The following LNX2 variants were observed in gnomAD, a reference collection of about 807,000 sequenced individuals.
The protein encoded by LNX2 is ligand of Numb protein X 2.
A neutral mutation model predicts 66.2 loss-of-function variants in LNX2; 35 were observed. The ratio of observed to expected loss-of-function variants is 0.53; its 90% CI spans 0.40 to 0.70. LNX2 has a LOEUF of 0.70. Among genes scored for constraint, LNX2 ranks in the 30% least tolerant of loss-of-function variants. The pLI, the probability that LNX2 is intolerant of heterozygous loss-of-function variation, is 0.00. For missense variants in LNX2, 791 were observed against 850.8 expected, an observed-to-expected ratio of 0.93 and a Z score of 0.87; for synonymous variants, 337 against 315.6, an observed-to-expected ratio of 1.07 and a Z score of -0.72.
At chr13:27,571,203 A>AT (rs1243530732) in intron 2 of LNX2, among the ~76,000 whole-genome samples, 1 of 152,184 alleles carries the variant, frequency 6.6e-6, no homozygotes. Flanking sequence ...ACAGAAGGAG[A>AT]TTATGAGACA....
intron 2 of LNX2, among the ~76,000 whole-genome samples, chr13:27,579,918 A>C (rs920947750): frequency 6.6e-6 from 1 of 152,198 alleles, no homozygotes; most frequent in African/African-American, 2.4e-5. Context: ...AAAAAAATGC[A>C]ATGCTACATT....
chr13:27,597,505 G>A (rs1269886561), intron 1 of LNX2, among the ~76,000 whole-genome samples: 2 of 152,132 alleles, frequency 1.3e-5, no homozygotes, highest in African/African-American at 2.4e-5. Flanking sequence ...TGCATGTAAC[G>A]GGGGTGGATG....
intron 1 of LNX2, among the ~76,000 whole-genome samples, chr13:27,586,031 T>C (rs1342112249): frequency 6.7e-6 from 1 of 148,326 alleles, no homozygotes; most frequent in Non-Finnish European, 1.5e-5. Flanking sequence ...TACATACATA[T>C]ATATACTTAT....
At chr13:27,574,480 C>A (rs1018520090) in intron 2 of LNX2, among the ~76,000 whole-genome samples, 1 of 150,226 alleles carries the variant, frequency 6.7e-6, no homozygotes, top group Non-Finnish European at 1.5e-5. Flanking sequence ...AAAGAACTGG[C>A]AAACTTGCAG....
intron 1 of LNX2, among the ~76,000 whole-genome samples, chr13:27,615,988 G>A (rs1460867802): frequency 6.6e-6 from 1 of 152,156 alleles, no homozygotes; most frequent in East Asian, 1.9e-4. Context: ...GATTTATCGT[G>A]AGCCAAATCT....
chr13:27,614,229 T>C (rs926767014), intron 1 of LNX2, among the ~76,000 whole-genome samples: 4 of 152,226 alleles, frequency 2.6e-5, no homozygotes, highest in South Asian at 2.1e-4. Flanking sequence ...AGCTAAGGTA[T>C]AGACATAAAC....
upstream of LNX2, chr13:27,620,544 T>G (rs1350568035): frequency 1.2e-5 from 2 of 172,356 alleles, no homozygotes; most frequent in African/African-American, 4.8e-5. Flanking sequence ...AAAAGCAAAC[T>G]CCGGCCAAGA....
intron 1 of LNX2, among the ~76,000 whole-genome samples, chr13:27,619,206 T>C (rs899333291): frequency 1.3e-5 from 2 of 152,212 alleles, no homozygotes; most frequent in Admixed American, 1.3e-4. Flanking sequence ...AACTCACATG[T>C]GGGACTCGGA....
Position 27,559,915 on chromosome 13 carries a change from T to G in LNX2, c.1295A>C (p.Glu432Ala), listed in dbSNP as rs1771379822. 6.2e-7 allele frequency: 1 copy of G among 1,612,102 alleles called. No homozygotes were observed. The highest frequency in any genetic ancestry group is 8.5e-7 in the Non-Finnish European group (1 of 1,178,530). Residue 432 changes from glutamate to alanine, a missense_variant, in exon 6 of 10, where the codon GAA becomes GCA. Physicochemically the swap from Glu to Ala is moderately radical, Grantham distance 107. Transcript: ENST00000316334. ...GCTGCTGCTGCTATGATTTCCTGCT[T>G]CTCTAATGGTGTTACCAGGCTGGGG... Reference protein sequence around the residue: ...GKPQPGNTIREAGNHSSSSQH... With the variant: ...GKPQPGNTIRAAGNHSSSSQH...
At chr13:27,607,572 G>A (rs1955730926) in intron 1 of LNX2, among the ~76,000 whole-genome samples, 1 of 152,180 alleles carries the variant, frequency 6.6e-6, no homozygotes, top group African/African-American at 2.4e-5. Context: ...GTAGGGTTTT[G>A]TTTTTCTTAA....
chr13:27,581,252 CT>C, intron 2 of LNX2, 44 bp downstream of exon 2: 1 of 1,426,192 alleles, frequency 7.0e-7, no homozygotes, highest in African/African-American at 1.4e-5. Context: ...TTTGAACCAC[CT>C]TTTTCCAAAA....
rs150405850 is a variant in LNX2 at position 27,562,710 on chromosome 13, T to A, written c.927A>T (p.Thr309=). Residue 309 remains threonine, a synonymous_variant, in exon 5 of 10, where the codon ACA becomes ACT. Transcript: ENST00000316334. ...ARAVLSQPCN[T]LHLTVLRERR... The stretch of plus-strand genomic sequence containing the variant: ...TCTCTCGAAGCACAGTAAGATGCAG[T>A]GTGTTGCAGGGCTGGGAAAGGACAG... 79 of 1,613,988 alleles carry A rather than the reference T, an allele frequency of 4.9e-5. No individual in the cohort carries two copies. The highest frequency in any genetic ancestry group is 9.3e-6 in the Non-Finnish European group (11 of 1,179,998).
At chr13:27,555,232 A>G (rs1033498354) in intron 7 of LNX2, among the ~76,000 whole-genome samples, 2 of 152,216 alleles carry the variant, frequency 1.3e-5, no homozygotes, top group African/African-American at 4.8e-5. Flanking sequence ...TACAGGCGTG[A>G]GCCACCACAC....
At chr13:27,615,459 C>A (rs1456708934) in intron 1 of LNX2, among the ~76,000 whole-genome samples, 1 of 152,162 alleles carries the variant, frequency 6.6e-6, no homozygotes, top group Non-Finnish European at 1.5e-5. Flanking sequence ...ATGAAGACTT[C>A]ATAACATAGG....
At chr13:27,598,188 G>A (rs74040820) in intron 1 of LNX2, among the ~76,000 whole-genome samples, 123 of 140,112 alleles carry the variant, frequency 8.8e-4, no homozygotes, top group African/African-American at 3.4e-3. Context: ...GAGTGGGTAA[G>A]GGTCTCAGCA....
intron 1 of LNX2, among the ~76,000 whole-genome samples, chr13:27,613,922 T>C (rs1378648521): frequency 6.6e-6 from 1 of 152,236 alleles, no homozygotes; most frequent in Non-Finnish European, 1.5e-5. Flanking sequence ...ACTTCTTAGG[T>C]ACTTGTTAAA....
intron 1 of LNX2, among the ~76,000 whole-genome samples, chr13:27,599,943 T>C (rs1302531770): frequency 6.6e-6 from 1 of 152,162 alleles, no homozygotes; most frequent in African/African-American, 2.4e-5. Context: ...GGAAACAGCC[T>C]AGATGAAGAA....
At chr13:27,554,333 TCA>T (rs1419084521) in intron 7 of LNX2, among the ~76,000 whole-genome samples, 1 of 152,240 alleles carries the variant, frequency 6.6e-6, no homozygotes, top group Admixed American at 6.5e-5. Context: ...TTTAATATAT[TCA>T]CAGTTGTGCA....
chr13:27,568,563 T>C (rs572668811), intron 3 of LNX2, among the ~76,000 whole-genome samples: 1 of 152,142 alleles, frequency 6.6e-6, no homozygotes, highest in Non-Finnish European at 1.5e-5. Context: ...AGCCTCAGTT[T>C]TCTTGTTTAA....
Sources: allele counts gnomAD v4.1 joint callset (sites outside exome capture counted in the v4.1 genomes callset), GRCh38; gene constraint gnomAD v4.1.1; transcripts MANE v1.5; gene names NCBI Gene and HGNC (gene_info 2026-07-23, HGNC 2026-07-21).